KIR2DL1: variants seen among roughly 807,000 people sequenced by gnomAD.
The protein encoded by KIR2DL1 is killer cell immunoglobulin-like receptor 2DL1.
In KIR2DL1, 38 loss-of-function variants were observed where a neutral mutation model predicts 33.9. The ratio of observed to expected loss-of-function variants is 1.12; its 90% CI spans 0.86 to 1.47. The LOEUF (loss-of-function observed/expected upper bound fraction) is 1.47, where lower values mean the gene tolerates loss of function less well. Among genes scored for constraint, KIR2DL1 ranks in the 40% most tolerant of loss-of-function variants. KIR2DL1 has a pLI of 0.00. For missense variants in KIR2DL1, 531 were observed against 433.9 expected, an observed-to-expected ratio of 1.22 and a Z score of -1.99; for synonymous variants, 179 against 165.9, an observed-to-expected ratio of 1.08 and a Z score of -0.61.
intron 2 of KIR2DL1, among the ~76,000 whole-genome samples, chr19:54,771,671 G>A (rs1397022166): frequency 6.7e-6 from 1 of 148,326 alleles, no homozygotes; most frequent in East Asian, 1.9e-4. Flanking sequence ...TCCAGGACAT[G>A]TGATTCTTCA....
Position 54,784,142 on chromosome 19 carries a change from C to T in KIR2DL1, c.*329C>T. The T allele has an allele frequency of 1.9e-6, 1 of 517,960 alleles. No individual in the cohort carries two copies. Among genetic ancestry groups the T allele is most frequent in the Non-Finnish European group, 3.5e-6 (1 of 289,216 alleles). The allele number at this position is 517,960 out of a possible 1,614,324, so 32.1% of individuals were successfully genotyped here. A position where few individuals can be genotyped will look rare whatever the true frequency, so the allele number is the denominator to read the frequency against. ...AATCACACTGAGGAACTCACAATTC[C>T]AAACATACAAGAGGCTCCCTCTTAA... On this transcript the variant is annotated 3_prime_UTR_variant, in exon 8 of 8. Coordinates refer to ENST00000336077, the MANE Select transcript of KIR2DL1 (RefSeq NM_014218.3).
intron 7 of KIR2DL1, 41 bp downstream of exon 7, chr19:54,783,579 C>G: frequency 6.2e-7 from 1 of 1,613,902 alleles, no homozygotes; most frequent in Non-Finnish European, 8.5e-7. Context: ...ACTGTTATTC[C>G]CAAAGAGTCC....
intron 4 of KIR2DL1, among the ~76,000 whole-genome samples, chr19:54,777,039 C>G (rs200660260): frequency 0.052 from 6,643 of 128,186 alleles, no homozygotes; most frequent in South Asian, 0.069. Context: ...CCTTTCTCTA[C>G]CACCTTGCCA....
intron 1 of KIR2DL1, among the ~76,000 whole-genome samples, 179 bp from the exon 2 acceptor site, chr19:54,770,670 C>A (rs1235982429): frequency 2.0e-5 from 3 of 148,018 alleles, no homozygotes; most frequent in Admixed American, 6.8e-5. Flanking sequence ...GGATATGGAC[C>A]TGGAGGCTGG....
intron 4 of KIR2DL1, among the ~76,000 whole-genome samples, 155 bp from the exon 5 acceptor site, chr19:54,778,457 T>C (rs112261225): frequency 0.02 from 2,404 of 121,450 alleles, 2 homozygotes; most frequent in Middle Eastern, 0.037. Flanking sequence ...AGACAGTGGG[T>C]GTCATATAAA....
At chr19:54,771,137 CT>C (rs2075670201) in intron 2 of KIR2DL1, among the ~76,000 whole-genome samples, 1 of 148,394 alleles carries the variant, frequency 6.7e-6, no homozygotes, top group African/African-American at 2.5e-5. Context: ...ACAGCAGATC[CT>C]CTGAGGACAA....
At position 54,778,521 on chromosome 19, in the gene KIR2DL1, G is replaced by C. The variant is rs1281995418; in HGVS notation, c.665-91G>C. The C allele has an allele frequency of 6.5e-5, 81 of 1,254,556 alleles. 16 individuals are homozygous for C. In the South Asian group the frequency reaches 7.2e-4, roughly 11 times the overall value. The allele number at this position is 1,254,556 out of a possible 1,614,324, so 77.7% of individuals were successfully genotyped here. A position where few individuals can be genotyped will look rare whatever the true frequency, so the allele number is the denominator to read the frequency against. On this transcript the variant is annotated intron_variant, in intron 4 of 7. Coordinates refer to ENST00000336077, the MANE Select transcript of KIR2DL1 (RefSeq NM_014218.3). ...TCCCAGGGCTCAATATTAGATAAGA[G>C]AGTGTTGGCCATGAACCATCCTCAA...
rs575068757 is a variant in KIR2DL1, at chr19:54,784,032, G to C, written c.*219G>C. The C allele has an allele frequency of 5.4e-6, 4 of 747,604 alleles. No homozygotes were observed. The African/African-American group carries it at 7.0e-5, about 13-fold the overall frequency. The allele number at this position is 747,604 out of a possible 1,614,324, so 46.3% of individuals were successfully genotyped here. A position where few individuals can be genotyped will look rare whatever the true frequency, so the allele number is the denominator to read the frequency against. ...TGCTGGAGAAAAAACACACTCCTTTGCTTAACCCACAGTTCTCCATTTCAC... is the reference window on the plus strand; with the variant it reads ...TGCTGGAGAAAAAACACACTCCTTTCCTTAACCCACAGTTCTCCATTTCAC... On this transcript the variant is annotated 3_prime_UTR_variant, in exon 8 of 8. Transcript: ENST00000336077.
rs374992678 is a variant in KIR2DL1 at position 54,783,624 on chromosome 19, T to C, written c.871-13T>C. On this transcript the variant is annotated splice_polypyrimidine_tract_variant and intron_variant, in intron 7 of 7. Transcript: ENST00000336077. The stretch of plus-strand genomic sequence containing the variant: ...TGAGCACCCTCCCTCACTCAGCATT[T>C]CCCTCTCTCCAGGACTCTGATGAAC... 857 of 1,613,914 alleles carry C rather than the reference T, an allele frequency of 5.3e-4. 13 individuals carry two copies. In the East Asian group the frequency reaches 0.017, roughly 33 times the overall value.
rs964704883 is a variant in KIR2DL1, at chr19:54,771,411, C to T, written c.70+527C>T. The stretch of plus-strand genomic sequence containing the variant: ...AATCTAGTAGGAGTCTCTTACTCAG[C>T]ACTTGCTCAAAGTTCTCAGCTGACA... On this transcript the variant is annotated intron_variant, in intron 2 of 7. Transcript: ENST00000336077. Among the ~76,000 whole-genome samples, 50 of 148,388 alleles carry T rather than the reference C, an allele frequency of 3.4e-4. 6 individuals carry two copies. The highest frequency in any genetic ancestry group is 1.1e-3 in the African/African-American group (45 of 40,738).
rs140647011 is a variant in KIR2DL1 at position 54,773,385 on chromosome 19, A to C, written c.123A>C (p.Ser41=). The change falls in exon 3 of 8, where the codon TCA becomes TCC. Residue 41 remains serine (S), a synonymous_variant. Transcript: ENST00000336077. ...LLAHPGRLVK[S]EETVILQCWS... is the part of the protein sequence containing the mutation. ...CCCACCCAGGTCGCCTGGTGAAATC[A>C]GAAGAGACAGTCATCCTGCAGTGTT... 3.2e-5 allele frequency: 51 copies of C among 1,598,920 alleles called. 3 individuals carry two copies. The African/African-American group carries it at 5.3e-4, about 17-fold the overall frequency.
At chr19:54,782,213 C>G (rs368465007) in intron 5 of KIR2DL1, among the ~76,000 whole-genome samples, 4,204 of 151,286 alleles carry the variant, frequency 0.028, 103 homozygotes, top group Middle Eastern at 0.078. Context: ...CACTGCATGA[C>G]GTCCTCCAGG....
rs751078804 is a variant in KIR2DL1, at chr19:54,769,842, G to A, written c.-9G>A. 3.1e-5 allele frequency: 48 copies of A among 1,569,390 alleles called. 3 individuals carry two copies. Among genetic ancestry groups the A allele is most frequent in the African/African-American group, 8.2e-5 (6 of 73,274 alleles). ...TCGGTCGCGGCTGCCTGTCTGCTCC[G>A]GCAGCACCATGTCGCTCTTGGTCGT... On this transcript the variant is annotated 5_prime_UTR_variant, in exon 1 of 8. Transcript: ENST00000336077.
chr19:54,782,487 C>A (rs2077095554), intron 5 of KIR2DL1, among the ~76,000 whole-genome samples: 1 of 151,972 alleles, frequency 6.6e-6, no homozygotes, highest in Non-Finnish European at 1.5e-5. Context: ...GATCACACGG[C>A]AAGAGAGGGA....
In KIR2DL1 at chr19:54,770,798, G is replaced by T. The variant is rs769953924; in HGVS notation, c.35-51G>T. The T allele has an allele frequency of 7.2e-5, 113 of 1,574,188 alleles. 11 individuals are homozygous for T. The highest frequency in any genetic ancestry group is 8.9e-5 in the Non-Finnish European group (102 of 1,148,256). On this transcript the variant is annotated intron_variant, in intron 1 of 7. Transcript: ENST00000336077. ...TCACAGCCCAGTGGGGGCAGCAAGG[G>T]TGCCCTGGTTTGCCTGCAGATGGGT...
At chr19:54,782,848 T>C (rs1600885052) in intron 5 of KIR2DL1, 74 bp from the exon 6 acceptor site, 1 of 1,530,166 alleles carries the variant, frequency 6.5e-7, no homozygotes, top group Non-Finnish European at 9.0e-7. Context: ...TACCTGTCAA[T>C]CAAGAAATGC....
At chr19:54,780,241 G>T (rs1158481924) in intron 5 of KIR2DL1, 1 of 448,174 alleles carries the variant, frequency 2.2e-6, no homozygotes, top group African/African-American at 2.5e-5. Flanking sequence ...CTGAGTGTAT[G>T]ATTTCAGGTG....
At chr19:54,770,205 T>C (rs1485472630) in intron 1 of KIR2DL1, among the ~76,000 whole-genome samples, 1 of 130,098 alleles carries the variant, frequency 7.7e-6, no homozygotes, top group Admixed American at 7.9e-5. Flanking sequence ...AGTGGAGTCA[T>C]GGGCCTGGAG....
Position 54,783,939 on chromosome 19 carries a change from A to C in KIR2DL1, c.*126A>C, listed in dbSNP as rs683164. 408,723 of 1,343,140 alleles carry C rather than the reference A, an allele frequency of 0.3. 64,427 individuals carry two copies. Among genetic ancestry groups the C allele is most frequent in the African/African-American group, 0.42 (28,858 of 68,762 alleles). 83.2% of individuals were successfully genotyped at this position (1,343,140 alleles called of 1,614,324 possible). On this transcript the variant is annotated 3_prime_UTR_variant, in exon 8 of 8. Coordinates refer to ENST00000336077, the MANE Select transcript of KIR2DL1 (RefSeq NM_014218.3). ...CGTGAGTCTGCATCTTAGGGCATCG[A>C]TCTTCCTCACACCACAAATCTGAAT...
Sources: gnomAD v4.1 joint callset for allele counts (sites outside exome capture counted in the v4.1 genomes callset) on GRCh38, gnomAD v4.1.1 for gene constraint, MANE v1.5 for transcripts, NCBI Gene and HGNC (gene_info 2026-07-23, HGNC 2026-07-21) for gene names.